ADARB2: variants seen among roughly 807,000 people sequenced by gnomAD.
The protein encoded by ADARB2 is inactive double-stranded RNA-specific editase B2.
Under a neutral mutation model 62.2 loss-of-function variants are expected in ADARB2, and 25 were observed. The observed-to-expected ratio is 0.40, with a 90% CI of 0.29 to 0.56. The LOEUF (loss-of-function observed/expected upper bound fraction) is 0.56. Among genes scored for constraint, ADARB2 ranks in the 20% least tolerant of loss-of-function variants. The pLI is 0.43. For missense variants in ADARB2, 1,071 were observed against 1,077.4 expected (o/e 0.99, Z 0.08); for synonymous variants, 572 against 500.8 (o/e 1.14, Z -1.90).
chr10:1,272,618 T>C (rs1450134283), intron 3 of ADARB2, among the ~76,000 whole-genome samples: 2 of 152,154 alleles, frequency 1.3e-5, no homozygotes, highest in Non-Finnish European at 2.9e-5. Flanking sequence ...CGTGAATCAA[T>C]ATGGAAGCCC....
intron 4 of ADARB2, among the ~76,000 whole-genome samples, chr10:1,248,474 G>A (rs1250113811): frequency 6.6e-6 from 1 of 152,286 alleles, no homozygotes; most frequent in Non-Finnish European, 1.5e-5. Flanking sequence ...CGACGTGTCA[G>A]TCATGAGCTG....
intron 1 of ADARB2, among the ~76,000 whole-genome samples, chr10:1,732,250 C>G (rs4880917): frequency 0.5 from 74,398 of 148,850 alleles, 19,131 homozygotes; most frequent in Non-Finnish European, 0.56. Context: ...TCATACTATA[C>G]AGATGTATAG....
intron 1 of ADARB2, among the ~76,000 whole-genome samples, chr10:1,621,221 G>A (rs750506904): frequency 3.9e-5 from 6 of 152,124 alleles, no homozygotes; most frequent in African/African-American, 4.8e-5. Flanking sequence ...TAGAAAATCT[G>A]ATAGAATCAA....
At chr10:1,333,237 T>C (rs776247815) in intron 3 of ADARB2, among the ~76,000 whole-genome samples, 126 of 152,250 alleles carry the variant, frequency 8.3e-4, no homozygotes, top group Middle Eastern at 3.2e-3. Context: ...TTTGGAGTCA[T>C]CTGATGTTAC....
At chr10:1,650,548 T>C (rs1287086165) in intron 1 of ADARB2, among the ~76,000 whole-genome samples, 2 of 152,180 alleles carry the variant, frequency 1.3e-5, no homozygotes, top group Non-Finnish European at 2.9e-5. Context: ...CACAGCACCT[T>C]CCCATACAAA....
At chr10:1,247,692 C>G (rs953067525) in intron 4 of ADARB2, among the ~76,000 whole-genome samples, 6 of 152,176 alleles carry the variant, frequency 3.9e-5, no homozygotes, top group African/African-American at 1.4e-4. Flanking sequence ...AGAAACGGCA[C>G]CAACCAGCAT....
chr10:1,599,015 C>T (rs1833374714), intron 1 of ADARB2, among the ~76,000 whole-genome samples: 1 of 152,240 alleles, frequency 6.6e-6, no homozygotes, highest in South Asian at 2.1e-4. Context: ...TGTTACCATG[C>T]AGCCCAGTAT....
In ADARB2 at chr10:1,182,902, A is replaced by G; in HGVS notation, c.*291T>C. The G allele has an allele frequency of 5.7e-6, 2 of 349,970 alleles. No homozygotes were observed. The highest frequency in any genetic ancestry group is 1.1e-5 in the Non-Finnish European group (2 of 189,320). The allele number at this position is 349,970 out of a possible 1,614,324, so 21.7% of individuals were successfully genotyped here. On this transcript the variant is annotated 3_prime_UTR_variant, in exon 10 of 10. Transcript: ENST00000381312. ...GCCTCCTTCCAAGGCTGCAGCTAAA[A>G]CCCCTTTGCCTGAATGGAGCCCCTC...
At position 1,398,761 on chromosome 10, in the gene ADARB2, C is replaced by T. The variant is rs1194860527; in HGVS notation, c.101-19601G>A. Among the ~76,000 whole-genome samples the T allele has an allele frequency of 2.6e-5, 4 of 152,176 alleles. No individual in the cohort carries two copies. Among genetic ancestry groups the T allele is most frequent in the African/African-American group, 7.2e-5 (3 of 41,440 alleles). On this transcript the variant is annotated intron_variant, in intron 1 of 9. Coordinates refer to ENST00000381312, the MANE Select transcript of ADARB2 (RefSeq NM_018702.4). This position sits in a 1 kb window ranked among gnomAD's most constrained non-coding sequence, Gnocchi z 4.1. ...TCAAATTACCCAGCTCTCGGCTCTG[C>T]GTGGATTGGCGTGCCCGTTTACCTG...
At chr10:1,718,080 G>A (rs575200183) in intron 1 of ADARB2, among the ~76,000 whole-genome samples, 1 of 152,202 alleles carries the variant, frequency 6.6e-6, no homozygotes, top group African/African-American at 2.4e-5. Flanking sequence ...GGGAAGGAGG[G>A]AGGGAGGAGG....
intron 1 of ADARB2, among the ~76,000 whole-genome samples, chr10:1,663,994 A>T (rs1339889797): frequency 6.6e-6 from 1 of 152,228 alleles, no homozygotes; most frequent in Admixed American, 6.5e-5. Context: ...CCACTGAAGG[A>T]CATCTGGCTG....
intron 1 of ADARB2, among the ~76,000 whole-genome samples, chr10:1,605,807 A>G (rs1158284060): frequency 1.3e-5 from 2 of 152,232 alleles, no homozygotes; most frequent in African/African-American, 2.4e-5. Flanking sequence ...GGCTTAGAAT[A>G]TGAATTTATG....
intron 1 of ADARB2, among the ~76,000 whole-genome samples, chr10:1,633,552 C>CTATCTATT (rs1833870629): frequency 1.7e-5 from 1 of 59,192 alleles, no homozygotes; most frequent in East Asian, 4.6e-4. Flanking sequence ...TATCTATCAT[C>CTATCTATT]TATCTATCTA....
chr10:1,362,403 G>A (rs1038852183), intron 3 of ADARB2, among the ~76,000 whole-genome samples: 9 of 152,204 alleles, frequency 5.9e-5, no homozygotes, highest in Admixed American at 5.9e-4. Context: ...CCAAGAACCT[G>A]GACACCTCCA....
At chr10:1,514,261 GAGGA>G (rs1344132669) in intron 1 of ADARB2, among the ~76,000 whole-genome samples, 1 of 147,550 alleles carries the variant, frequency 6.8e-6, no homozygotes, top group East Asian at 2.0e-4. Context: ...TGCTGATACA[GAGGA>G]CTCCTGAATG....
chr10:1,612,856 T>C (rs1564347018), intron 1 of ADARB2, among the ~76,000 whole-genome samples: 1 of 152,258 alleles, frequency 6.6e-6, no homozygotes, highest in African/African-American at 2.4e-5. Context: ...AGCTACTCAC[T>C]ATCTGATCTT....
intron 1 of ADARB2, among the ~76,000 whole-genome samples, chr10:1,429,672 G>A (rs1416627413): frequency 6.6e-6 from 1 of 152,200 alleles, no homozygotes; most frequent in East Asian, 1.9e-4. Flanking sequence ...TTGCTTAAAT[G>A]AAGATGCATT....
intron 1 of ADARB2, among the ~76,000 whole-genome samples, chr10:1,557,844 G>A (rs376136054): frequency 7.1e-5 from 8 of 112,982 alleles, no homozygotes; most frequent in Non-Finnish European, 1.6e-4. Context: ...CCCGGGAGGC[G>A]GAGGTTGCGG....
chr10:1,439,155 T>C (rs1221609034), intron 1 of ADARB2, among the ~76,000 whole-genome samples: 2 of 135,016 alleles, frequency 1.5e-5, no homozygotes, highest in East Asian at 2.4e-4. Context: ...AGGCAGGCCC[T>C]TCACGATGGG....
Sources: gnomAD v4.1 joint callset for allele counts (sites outside exome capture counted in the v4.1 genomes callset) on GRCh38, gnomAD v4.1.1 for gene constraint, Gnocchi (gnomAD v3.1) non-coding constraint, MANE v1.5 for transcripts, NCBI Gene and HGNC (gene_info 2026-07-23, HGNC 2026-07-21) for gene names.